Variants in VSIG10 observed in about 807,000 individuals in gnomAD.
VSIG10 encodes the protein V-set and immunoglobulin domain-containing protein 10.
Under a neutral mutation model 58.7 loss-of-function variants are expected in VSIG10, and 48 were observed. The observed-to-expected ratio is 0.82, with a 90% CI of 0.65 to 1.04. VSIG10 has a LOEUF of 1.04. VSIG10 is among the 50% of genes least tolerant of loss of function. The pLI, the probability that VSIG10 is intolerant of heterozygous loss-of-function variation, is 0.00. For synonymous variants in VSIG10, 260 were observed against 267.1 expected (o/e 0.97, Z 0.26); for missense variants, 628 against 670.0 (o/e 0.94, Z 0.69).
intron 2 of VSIG10, among the ~76,000 whole-genome samples, chr12:118,084,196 C>T (rs1205731258): frequency 2.0e-5 from 3 of 152,206 alleles, no homozygotes; most frequent in Admixed American, 1.3e-4. Flanking sequence ...CCTTCCTGTT[C>T]TTTGCTGTCC....
intron 5 of VSIG10, among the ~76,000 whole-genome samples, chr12:118,072,093 C>T (rs181895408): frequency 3.9e-5 from 6 of 152,084 alleles, no homozygotes; most frequent in African/African-American, 7.2e-5. Flanking sequence ...CACTTGAACC[C>T]GGGAGGCGGG....
intron 2 of VSIG10, among the ~76,000 whole-genome samples, chr12:118,083,829 A>T (rs971677308): frequency 2.0e-5 from 3 of 151,726 alleles, no homozygotes; most frequent in African/African-American, 7.3e-5. Flanking sequence ...AAAATTTTTT[A>T]AAGTTTTGCT....
At chr12:118,103,506 A>C in intron 1 of VSIG10, 87 bp downstream of exon 1, 1 of 1,319,828 alleles carries the variant, frequency 7.6e-7, no homozygotes, top group South Asian at 1.5e-5. Flanking sequence ...ATCCGGGCGG[A>C]GTCGGAGGGA....
chr12:118,079,903 G>A (rs866699194), intron 3 of VSIG10, among the ~76,000 whole-genome samples: 2 of 152,228 alleles, frequency 1.3e-5, no homozygotes, highest in South Asian at 2.1e-4. Context: ...GTGCAATCTC[G>A]GCTCACTGTA....
intron 2 of VSIG10, 44 bp downstream of exon 2, chr12:118,095,489 C>G: frequency 1.2e-6 from 2 of 1,606,082 alleles, no homozygotes; most frequent in Non-Finnish European, 1.7e-6. Flanking sequence ...CTTTCCAAGG[C>G]TCCGAGCACC....
chr12:118,103,352 C>T (rs1018656603), intron 1 of VSIG10, among the ~76,000 whole-genome samples: 9 of 152,188 alleles, frequency 5.9e-5, no homozygotes, highest in Non-Finnish European at 1.0e-4. Context: ...CCTCTGCAGC[C>T]TCACCGGCTG....
In VSIG10 at chr12:118,082,110, G is replaced by A. The variant is rs370167639; in HGVS notation, c.664+17C>T. On this transcript the variant is annotated intron_variant, in intron 3 of 8. Transcript: ENST00000359236. ...GTTAAGGGGAAGAAGCGGGGCAGAG[G>A]AGTGCTGCTTACGCACAGTAGACCA... 8.9e-5 allele frequency: 143 copies of A among 1,608,898 alleles called. No homozygotes were observed. The highest frequency in any genetic ancestry group is 1.1e-4 in the Non-Finnish European group (129 of 1,176,012).
intron 2 of VSIG10, 99 bp downstream of exon 2, chr12:118,095,434 A>G: frequency 2.1e-6 from 3 of 1,454,086 alleles, no homozygotes; most frequent in Non-Finnish European, 2.8e-6. Flanking sequence ...AATGATTTCC[A>G]GGCCATCCGA....
intron 1 of VSIG10, among the ~76,000 whole-genome samples, chr12:118,096,047 T>A (rs879768423): frequency 7.4e-5 from 11 of 149,538 alleles, no homozygotes; most frequent in Non-Finnish European, 1.2e-4. Context: ...TGCCTCAGCA[T>A]CCCAAGTAGC....
In VSIG10 at chr12:118,095,615, C is replaced by T. The variant is rs1313114683; in HGVS notation, c.279G>A (p.Leu93=). Residue 93 remains leucine, a synonymous_variant, in exon 2 of 9, where the codon CTG becomes CTA. Transcript: ENST00000359236. ...VDATSLHIES[L]SLGDEGIYTC... ...TGTAGATTCCCTCATCTCCCAGGCT[C>T]AGCGATTCAATGTGCAGGGAGGTGG... The T allele has an allele frequency of 6.2e-7, 1 of 1,613,238 alleles. No individual in the cohort carries two copies. Among genetic ancestry groups the T allele is most frequent in the African/African-American group, 1.3e-5 (1 of 74,672 alleles).
intron 8 of VSIG10, among the ~76,000 whole-genome samples, chr12:118,067,286 A>T (rs1243694545): frequency 6.6e-6 from 1 of 152,112 alleles, no homozygotes; most frequent in African/African-American, 2.4e-5. Flanking sequence ...GGCCTCCCAA[A>T]GTGCTGGGAT....
chr12:118,070,134 T>C (rs1222326784), intron 7 of VSIG10, among the ~76,000 whole-genome samples: 1 of 152,086 alleles, frequency 6.6e-6, no homozygotes, highest in Non-Finnish European at 1.5e-5. Flanking sequence ...AAGAGTACTC[T>C]GCTCCCACCC....
chr12:118,079,216 G>A, intron 4 of VSIG10, 130 bp downstream of exon 4: 2 of 1,312,622 alleles, frequency 1.5e-6, no homozygotes, highest in South Asian at 3.1e-5. Context: ...AAAAGAAAGG[G>A]AGAAAGGGAA....
At chr12:118,073,400 T>C (rs2032578480) in intron 5 of VSIG10, among the ~76,000 whole-genome samples, 1 of 152,144 alleles carries the variant, frequency 6.6e-6, no homozygotes. Context: ...GTATCCTCAG[T>C]GGGATGATAG....
chr12:118,098,607 C>A (rs2033537901), intron 1 of VSIG10, among the ~76,000 whole-genome samples: 1 of 152,074 alleles, frequency 6.6e-6, no homozygotes. Flanking sequence ...TGATAAACAC[C>A]AAGATAAGGC....
rs2032171987 is a variant in VSIG10, at chr12:118,064,244, C to T, written c.*2395G>A. 1 of 152,178 alleles carries T rather than the reference C, an allele frequency of 6.6e-6. No individual in the cohort carries two copies. Among genetic ancestry groups the T allele is most frequent in the Non-Finnish European group, 1.5e-5 (1 of 68,042 alleles). 9.4% of individuals were successfully genotyped at this position (152,178 alleles called of 1,614,324 possible). A position where few individuals can be genotyped will look rare whatever the true frequency, so the allele number is the denominator to read the frequency against. Reference sequence around the variant, plus strand: ...AGGATATTACTGTGCACACAGGACTCAGATATGTGACAGCAGTCACAGCTC... The same window carrying T: ...AGGATATTACTGTGCACACAGGACTTAGATATGTGACAGCAGTCACAGCTC... On this transcript the variant is annotated 3_prime_UTR_variant, in exon 9 of 9. Transcript: ENST00000359236.
chr12:118,091,293 C>T (rs1302305193), intron 2 of VSIG10, among the ~76,000 whole-genome samples: 6 of 152,012 alleles, frequency 3.9e-5, no homozygotes, highest in Admixed American at 1.3e-4. Flanking sequence ...GAGATCGAGA[C>T]CATCCTGGCT....
At position 118,073,698 on chromosome 12, in the gene VSIG10, C is replaced by T. The variant is rs773327282; in HGVS notation, c.1219+1G>A. 1 of 1,605,700 alleles carries T rather than the reference C, an allele frequency of 6.2e-7. No individual in the cohort carries two copies. Among genetic ancestry groups the T allele is most frequent in the Non-Finnish European group, 8.5e-7 (1 of 1,175,218 alleles). ...CCTTCAGGCCCAGTTCCACCACTCA[C>T]CTTTCACACTCAGCCAGATTTCCAT... On this transcript the variant is annotated splice_donor_variant, in intron 5 of 8. Coordinates refer to ENST00000359236, the MANE Select transcript of VSIG10 (RefSeq NM_019086.6). LOFTEE classifies it high-confidence loss of function.
At position 118,079,517 on chromosome 12, in the gene VSIG10, G is replaced by T. The variant is rs773441638; in HGVS notation, c.754C>A (p.Pro252Thr). The T allele has an allele frequency of 3.0e-5, 49 of 1,613,886 alleles. No homozygotes were observed. The East Asian group carries it at 1.0e-3, about 34-fold the overall frequency. Residue 252 changes from proline to threonine, a missense_variant, in exon 4 of 9, where the codon CCT (proline) becomes ACT (threonine). Pro to Thr is a conservative substitution (Grantham distance 38). Transcript: ENST00000359236. ...TCTATCCACAGGAAGTCAGGGTCAG[G>T]GTATCCCCCATCCCAGCGACAGGTA... ...QLTCRWDGGY[P>T]DPDFLWIEEP...
Sources: allele counts gnomAD v4.1 joint callset (sites outside exome capture counted in the v4.1 genomes callset), GRCh38; gene constraint gnomAD v4.1.1; transcripts MANE v1.5; gene names NCBI Gene and HGNC (gene_info 2026-07-23, HGNC 2026-07-21).